Variants in GARIN1A observed in about 807,000 individuals in gnomAD.
GARIN1A encodes Golgi-associated RAB2 interactor protein 1A.
chr7:128,705,906 C>T, the GARIN1A span, among the ~76,000 whole-genome samples: 9 of 152,012 alleles, frequency 5.9e-5, no homozygotes, highest in Non-Finnish European at 2.9e-5. Flanking sequence ...CCACCCACTT[C>T]GGTCTCCCAA....
the GARIN1A span, chr7:128,680,257 C>A: frequency 1.8e-6 from 1 of 547,716 alleles, no homozygotes; most frequent in Non-Finnish European, 3.1e-6. Context: ...TTTAGATAGT[C>A]ATGCACATGG....
the GARIN1A span, among the ~76,000 whole-genome samples, chr7:128,696,674 A>T: frequency 3.3e-5 from 5 of 152,190 alleles, no homozygotes; most frequent in African/African-American, 7.2e-5. Flanking sequence ...CAAAAAAAAG[A>T]AAAAGGATTC....
chr7:128,700,679 G>GCATA, the GARIN1A span, among the ~76,000 whole-genome samples: 2 of 152,138 alleles, frequency 1.3e-5, no homozygotes, highest in Non-Finnish European at 2.9e-5. Flanking sequence ...CTTGAAACAT[G>GCATA]CATACATACA....
At chr7:128,706,843 C>A in the GARIN1A span, among the ~76,000 whole-genome samples, 1 of 152,140 alleles carries the variant, frequency 6.6e-6, no homozygotes, top group African/African-American at 2.4e-5. Context: ...TGTCACACAG[C>A]AGGCAGTAAG....
chr7:128,683,715 A>C, the GARIN1A span: 1 of 152,170 alleles, frequency 6.6e-6, no homozygotes, highest in African/African-American at 2.4e-5. Flanking sequence ...CCATCCAGTC[A>C]CATTGGCCTC....
the GARIN1A span, among the ~76,000 whole-genome samples, chr7:128,705,655 G>GTT: frequency 1.6e-5 from 1 of 61,498 alleles, no homozygotes; most frequent in African/African-American, 6.9e-5. Flanking sequence ...TTTTTTTGGT[G>GTT]TTTTTTTTTT....
chr7:128,703,726 A>G, the GARIN1A span, among the ~76,000 whole-genome samples: 2 of 151,988 alleles, frequency 1.3e-5, no homozygotes, highest in African/African-American at 4.8e-5. Context: ...GCAGTGAACT[A>G]TGATCTTGCC....
chr7:128,683,145 T>A, the GARIN1A span: 1 of 1,609,324 alleles, frequency 6.2e-7, no homozygotes, highest in South Asian at 1.1e-5. Context: ...AGGAGAGCAC[T>A]TCTTGGGAGC....
chr7:128,679,426 C>T, the GARIN1A span, among the ~76,000 whole-genome samples: 1 of 151,990 alleles, frequency 6.6e-6, no homozygotes, highest in Non-Finnish European at 1.5e-5. Context: ...CTCTTGATCT[C>T]GTGATCCAAC....
the GARIN1A span, among the ~76,000 whole-genome samples, chr7:128,681,891 A>G: frequency 1.7e-5 from 1 of 58,756 alleles, no homozygotes; most frequent in Non-Finnish European, 3.6e-5. Context: ...ACCCCCCCCC[A>G]CAACCCCCCT....
chr7:128,696,034 A>G, the GARIN1A span, among the ~76,000 whole-genome samples: 320 of 54,990 alleles, frequency 5.8e-3, no homozygotes, highest in East Asian at 0.049. Flanking sequence ...TTTTTTTTTG[A>G]CAAGGTCTCA....
chr7:128,675,800 C>A, the GARIN1A span: 17 of 1,613,920 alleles, frequency 1.1e-5, 1 homozygote, highest in East Asian at 3.8e-4. Flanking sequence ...TTACCTGGCC[C>A]CAGGGTCCAT....
At chr7:128,680,859 G>A in the GARIN1A span, among the ~76,000 whole-genome samples, 1 of 152,148 alleles carries the variant, frequency 6.6e-6, no homozygotes. Flanking sequence ...GAGCCACTGC[G>A]CCTGGTCCTC....
chr7:128,682,270 A>G, the GARIN1A span, among the ~76,000 whole-genome samples: 5 of 152,136 alleles, frequency 3.3e-5, no homozygotes, highest in Admixed American at 1.3e-4. Flanking sequence ...CAATCCCTTC[A>G]GGCAGCCCAG....
the GARIN1A span, among the ~76,000 whole-genome samples, chr7:128,681,694 G>A: frequency 6.6e-6 from 1 of 151,688 alleles, no homozygotes; most frequent in Non-Finnish European, 1.5e-5. Flanking sequence ...GTAGAGACAA[G>A]GTCTTGCTAT....
chr7:128,672,336 C>T, the GARIN1A span: 1 of 1,411,160 alleles, frequency 7.1e-7, no homozygotes, highest in South Asian at 1.3e-5. Flanking sequence ...AACATCCTGG[C>T]ATTGGGCTGG....
At chr7:128,701,524 A>G in the GARIN1A span, among the ~76,000 whole-genome samples, 2,024 of 151,690 alleles carry the variant, frequency 0.013, 49 homozygotes, top group African/African-American at 0.047. Context: ...TCTTTCCCCT[A>G]TTGGCTGGGA....
At chr7:128,706,025 TCCTCTCTCTCTC>T in the GARIN1A span, among the ~76,000 whole-genome samples, 1 of 152,020 alleles carries the variant, frequency 6.6e-6, no homozygotes. Context: ...AGGAAGAGGT[TCCTCTCTCTCTC>T]CCTCTCTCTC....
At chr7:128,678,990 TTACA>T in the GARIN1A span, among the ~76,000 whole-genome samples, 62 of 113,484 alleles carry the variant, frequency 5.5e-4, no homozygotes, top group Non-Finnish European at 8.6e-4. Context: ...GTAACGATTG[TTACA>T]TACATATATA....
Sources: allele counts gnomAD v4.1 joint callset (sites outside exome capture counted in the v4.1 genomes callset), GRCh38; gene constraint gnomAD v4.1.1; transcripts MANE v1.5; gene names NCBI Gene and HGNC (gene_info 2026-07-23, HGNC 2026-07-21).